The following AKT3 variants were observed in gnomAD, a reference collection of about 807,000 sequenced individuals.
AKT3 encodes AKT serine/threonine kinase 3, also known as RAC-gamma serine/threonine-protein kinase.
In AKT3, 15 loss-of-function variants were observed where a neutral mutation model predicts 65.3. The ratio of observed to expected loss-of-function variants is 0.23; its 90% CI spans 0.15 to 0.35. The LOEUF is 0.35. Ranked by LOEUF, AKT3 falls within the 10% of genes least tolerant of loss-of-function variation. AKT3 has a pLI of 1.00. For synonymous variants in AKT3, 206 were observed against 183.8 expected (o/e 1.12, Z -0.98); for missense variants, 243 against 576.5 (o/e 0.42, Z 5.92).
At chr1:243,808,045 C>T (rs904419922) in intron 2 of AKT3, 1 of 152,138 alleles carries the variant, frequency 6.6e-6, no homozygotes, top group Admixed American at 6.5e-5. Context: ...TCACCATCAT[C>T]AAAGACCAAA....
At chr1:243,553,179 CAA>C (rs35345655) in intron 10 of AKT3, among the ~76,000 whole-genome samples, 2 of 118,572 alleles carry the variant, frequency 1.7e-5, no homozygotes, top group Admixed American at 8.6e-5. Context: ...GCAGGTCGTA[CAA>C]AAAAAAAAAA....
At chr1:243,787,177 T>A (rs1274351826) in intron 2 of AKT3, among the ~76,000 whole-genome samples, 2 of 152,212 alleles carry the variant, frequency 1.3e-5, no homozygotes, top group African/African-American at 4.8e-5. Context: ...AAAGTGAATT[T>A]ACATTTTTCA....
At chr1:243,718,528 C>A (rs1034350742) in intron 2 of AKT3, among the ~76,000 whole-genome samples, 1 of 152,014 alleles carries the variant, frequency 6.6e-6, no homozygotes, top group Non-Finnish European at 1.5e-5. Flanking sequence ...TGGCTCACTG[C>A]GATCTCTGCC....
intron 2 of AKT3, chr1:243,702,880 TACAC>T (rs1488629321): frequency 6.6e-6 from 1 of 152,144 alleles, no homozygotes; most frequent in Non-Finnish European, 1.5e-5. Context: ...TTATAAATGA[TACAC>T]ACAAATGTAC....
chr1:243,781,190 T>C (rs957143532), intron 2 of AKT3, among the ~76,000 whole-genome samples: 1 of 152,144 alleles, frequency 6.6e-6, no homozygotes, highest in Non-Finnish European at 1.5e-5. Context: ...TGTTTTACTT[T>C]ACATTTTTAA....
chr1:243,849,716 G>A (rs771344060), intron 1 of AKT3, among the ~76,000 whole-genome samples: 3 of 151,640 alleles, frequency 2.0e-5, no homozygotes, highest in Admixed American at 6.5e-5. Flanking sequence ...GGGCAGCCCA[G>A]ACACAGACGG....
intron 3 of AKT3, among the ~76,000 whole-genome samples, chr1:243,691,272 C>T (rs540698332): frequency 6.6e-6 from 1 of 152,132 alleles, no homozygotes; most frequent in African/African-American, 2.4e-5. Flanking sequence ...AATTGTAGAG[C>T]AGAAGAGAGA....
intron 9 of AKT3, among the ~76,000 whole-genome samples, chr1:243,568,700 C>A (rs2148498510): frequency 6.6e-6 from 1 of 152,272 alleles, no homozygotes; most frequent in East Asian, 1.9e-4. Flanking sequence ...GTCTTTAATA[C>A]AATGCTTCCC....
At chr1:243,547,819 A>G (rs1443738753) in intron 11 of AKT3, among the ~76,000 whole-genome samples, 1 of 152,226 alleles carries the variant, frequency 6.6e-6, no homozygotes, top group Non-Finnish European at 1.5e-5. Context: ...GTGATGATAA[A>G]TAATTCCCAC....
intron 11 of AKT3, among the ~76,000 whole-genome samples, chr1:243,547,418 A>T (rs983516613): frequency 6.6e-6 from 1 of 152,178 alleles, no homozygotes; most frequent in African/African-American, 2.4e-5. Context: ...AATTGGTGAA[A>T]ATTTAACAGT....
At chr1:243,747,601 C>T (rs1378213200) in intron 2 of AKT3, among the ~76,000 whole-genome samples, 1 of 152,116 alleles carries the variant, frequency 6.6e-6, no homozygotes, top group Non-Finnish European at 1.5e-5. Flanking sequence ...TCCCAAGACA[C>T]AATGAAGAGA....
At chr1:243,631,469 A>T (rs1443218422) in intron 6 of AKT3, among the ~76,000 whole-genome samples, 2 of 152,174 alleles carry the variant, frequency 1.3e-5, no homozygotes, top group Non-Finnish European at 1.5e-5. Context: ...TTGTATTTTT[A>T]GTAGAGACAA....
intron 2 of AKT3, among the ~76,000 whole-genome samples, chr1:243,752,756 G>A (rs1451401966): frequency 6.6e-6 from 1 of 152,156 alleles, no homozygotes; most frequent in African/African-American, 2.4e-5. Flanking sequence ...TATATAAATA[G>A]TTAACTCTGA....
intron 12 of AKT3, among the ~76,000 whole-genome samples, chr1:243,529,800 A>ACCC (rs1168565480): frequency 8.6e-4 from 131 of 152,150 alleles, no homozygotes; most frequent in Middle Eastern, 3.2e-3. Context: ...CATGGATTTA[A>ACCC]AAATAGTTTG....
At chr1:243,671,140 G>A (rs917757429) in intron 3 of AKT3, among the ~76,000 whole-genome samples, 29 of 149,546 alleles carry the variant, frequency 1.9e-4, no homozygotes, top group African/African-American at 6.2e-4. Flanking sequence ...GTGCAGTGGC[G>A]CAATCTCGGC....
intron 2 of AKT3, among the ~76,000 whole-genome samples, chr1:243,842,884 A>G (rs1695330618): frequency 6.6e-6 from 1 of 152,226 alleles, no homozygotes; most frequent in Non-Finnish European, 1.5e-5. Context: ...AACACGCTAC[A>G]CACAACATAC....
At chr1:243,749,065 G>C (rs963672837) in intron 2 of AKT3, among the ~76,000 whole-genome samples, 1 of 151,802 alleles carries the variant, frequency 6.6e-6, no homozygotes, top group African/African-American at 2.4e-5. Context: ...ACCACTTCTA[G>C]TCCTTCATTC....
At chr1:243,558,177 A>C (rs1458830871) in intron 10 of AKT3, among the ~76,000 whole-genome samples, 1 of 152,088 alleles carries the variant, frequency 6.6e-6, no homozygotes, top group South Asian at 2.1e-4. Context: ...ATACATTTCA[A>C]GCAAGTTAGC....
chr1:243,505,256 C>T lies in AKT3; in HGVS notation c.1433G>A (p.Arg478Gln), dbSNP rs751275167. The change falls in exon 14 of 14, where the codon CGA becomes CAA. Residue 478 changes from arginine (R) to glutamine (Q), a missense_variant. This residue lies in a region of AKT3 where 57 missense variants were observed against 107.6 expected (regional missense o/e 0.53). Transcript: ENST00000673466. ...FPQFSYSASG[R>Q]E ...TAGCAGAATGAAAGAGACTTATTCT[C>T]GTCCACTTGCAGAGTAGGAAAATTG... The T allele has an allele frequency of 3.7e-6, 6 of 1,613,020 alleles. No homozygotes were observed. The highest frequency in any genetic ancestry group is 3.4e-6 in the Non-Finnish European group (4 of 1,178,976).
Sources: gnomAD v4.1 joint callset for allele counts (sites outside exome capture counted in the v4.1 genomes callset) on GRCh38, gnomAD v4.1.1 for gene constraint, gnomAD v4.1.1 regional missense constraint, MANE v1.5 for transcripts, NCBI Gene and HGNC (gene_info 2026-07-23, HGNC 2026-07-21) for gene names.